The following SPTLC3 variants were observed in gnomAD, a reference collection of about 807,000 sequenced individuals.
The protein encoded by SPTLC3 is serine palmitoyltransferase long chain base subunit 3.
SPTLC3 carries 36 observed loss-of-function variants against 59.3 expected under a neutral mutation model. That is an observed-to-expected ratio of 0.61 (90% CI 0.47 to 0.80). The LOEUF (loss-of-function observed/expected upper bound fraction) is 0.80, where lower values mean the gene tolerates loss of function less well. Among genes scored for constraint, SPTLC3 ranks in the 30% least tolerant of loss-of-function variants. The probability of loss-of-function intolerance (pLI) is 0.00; values close to 1 mark genes in which losing one functional copy is unlikely to be tolerated. For missense variants in SPTLC3, 625 were observed against 685.1 expected (o/e 0.91, Z 0.98); for synonymous variants, 257 against 240.8 (o/e 1.07, Z -0.62).
At chr20:13,116,817 A>T (rs948655569) in intron 7 of SPTLC3, among the ~76,000 whole-genome samples, 1 of 152,202 alleles carries the variant, frequency 6.6e-6, no homozygotes, top group Non-Finnish European at 1.5e-5. Context: ...AGCCCACCCA[A>T]TACCGACTGA....
chr20:13,074,293 A>C, intron 3 of SPTLC3, 56 bp from the exon 4 acceptor site: 1 of 1,586,144 alleles, frequency 6.3e-7, no homozygotes. Flanking sequence ...GGATTTTTTG[A>C]ATCGTGCATA....
chr20:13,147,004 C>T (rs1241068959), intron 9 of SPTLC3, among the ~76,000 whole-genome samples: 1 of 152,202 alleles, frequency 6.6e-6, no homozygotes, highest in Non-Finnish European at 1.5e-5. Flanking sequence ...AATGTCCATT[C>T]TCATCCTTGC....
At chr20:13,050,006 G>T (rs1490988160) in intron 2 of SPTLC3, 2 of 152,066 alleles carry the variant, frequency 1.3e-5, no homozygotes, top group Non-Finnish European at 2.9e-5. Context: ...ACCAACCTTG[G>T]TAATATGACA....
chr20:13,155,685 G>T (rs1398505506), intron 10 of SPTLC3, among the ~76,000 whole-genome samples: 1 of 151,742 alleles, frequency 6.6e-6, no homozygotes, highest in Non-Finnish European at 1.5e-5. Flanking sequence ...AACTAGCCGG[G>T]CGTGGTGGTG....
At chr20:13,098,385 A>T (rs1989494620) in intron 6 of SPTLC3, among the ~76,000 whole-genome samples, 1 of 152,166 alleles carries the variant, frequency 6.6e-6, no homozygotes, top group South Asian at 2.1e-4. Context: ...TGATTAAGCA[A>T]ATGGGATAAA....
Position 13,103,882 on chromosome 20 carries a change from G to C in SPTLC3, c.827-6230G>C, listed in dbSNP as rs79798975. The stretch of plus-strand genomic sequence containing the variant: ...GCTAAATGTCTGGGTTTTTTCTTCC[G>C]GAAGACACACTATGAACTATGCCCT... On this transcript the variant is annotated intron_variant, in intron 6 of 11. Transcript: ENST00000399002. 2.0e-5 allele frequency among the ~76,000 whole-genome samples: 3 copies of C among 152,286 alleles called. No individual in the cohort carries two copies. The East Asian group carries it at 5.8e-4, about 29-fold the overall frequency.
intron 1 of SPTLC3, among the ~76,000 whole-genome samples, chr20:13,024,904 C>A (rs1986069473): frequency 6.6e-6 from 1 of 152,140 alleles, no homozygotes; most frequent in African/African-American, 2.4e-5. Context: ...CACTCCATCC[C>A]CTGTCTTCTT....
intron 1 of SPTLC3, among the ~76,000 whole-genome samples, chr20:13,014,880 T>A (rs1022551018): frequency 5.3e-5 from 8 of 151,836 alleles, no homozygotes; most frequent in Non-Finnish European, 8.8e-5. Context: ...ACACATGGGC[T>A]GAGCACACTC....
chr20:13,030,059 CTG>C (rs746287146), intron 1 of SPTLC3, among the ~76,000 whole-genome samples: 1 of 152,174 alleles, frequency 6.6e-6, no homozygotes, highest in Non-Finnish European at 1.5e-5. Flanking sequence ...AAAAGAAAAA[CTG>C]TGGTTTGTAA....
At chr20:13,072,147 G>A (rs568302513) in intron 2 of SPTLC3, 109 bp from the exon 3 acceptor site, 46 of 1,227,934 alleles carry the variant, frequency 3.7e-5, no homozygotes, top group Admixed American at 7.0e-5. Context: ...AAATATATCT[G>A]TAGATGTGTT....
At chr20:13,126,526 G>A (rs1286823404) in intron 8 of SPTLC3, 65 bp from the exon 9 acceptor site, 37 of 1,584,640 alleles carry the variant, frequency 2.3e-5, no homozygotes, top group Non-Finnish European at 3.2e-5. Context: ...GGGACTAGAT[G>A]TAATTCCCAC....
chr20:13,018,935 T>G (rs1182581675), intron 1 of SPTLC3, among the ~76,000 whole-genome samples: 1 of 152,282 alleles, frequency 6.6e-6, no homozygotes, highest in East Asian at 1.9e-4. Context: ...GAGTTCAAAT[T>G]AACTATTTTG....
intron 6 of SPTLC3, among the ~76,000 whole-genome samples, chr20:13,101,887 G>A (rs1014240151): frequency 6.6e-6 from 1 of 152,132 alleles, no homozygotes; most frequent in Non-Finnish European, 1.5e-5. Flanking sequence ...CGAGACTGCA[G>A]GCAACCTCGG....
chr20:13,061,667 C>A (rs1287365325), intron 2 of SPTLC3, among the ~76,000 whole-genome samples: 1 of 152,088 alleles, frequency 6.6e-6, no homozygotes, highest in Non-Finnish European at 1.5e-5. Flanking sequence ...TTCCTTTGTA[C>A]CCAAAGTCAA....
chr20:13,129,857 C>T (rs1040930216), intron 9 of SPTLC3, among the ~76,000 whole-genome samples: 1 of 152,096 alleles, frequency 6.6e-6, no homozygotes, highest in East Asian at 1.9e-4. Flanking sequence ...TCTCTCTTAG[C>T]CTTATACCTA....
intron 1 of SPTLC3, among the ~76,000 whole-genome samples, chr20:13,022,891 A>G (rs868167267): frequency 6.6e-6 from 1 of 152,186 alleles, no homozygotes; most frequent in Non-Finnish European, 1.5e-5. Flanking sequence ...ACAGCAAAAA[A>G]CAAAATACTT....
intron 4 of SPTLC3, among the ~76,000 whole-genome samples, chr20:13,087,575 T>C (rs1989044331): frequency 6.6e-6 from 1 of 152,174 alleles, no homozygotes; most frequent in South Asian, 2.1e-4. Flanking sequence ...TCATTATTCA[T>C]CAAAAGGCCC....
intron 4 of SPTLC3, among the ~76,000 whole-genome samples, chr20:13,077,201 C>T (rs531658782): frequency 6.6e-6 from 1 of 151,790 alleles, no homozygotes; most frequent in South Asian, 2.1e-4. Context: ...TAACCTTGAT[C>T]TCCAAATCTG....
chr20:13,068,616 AC>A (rs944651934), intron 2 of SPTLC3, among the ~76,000 whole-genome samples: 10 of 152,144 alleles, frequency 6.6e-5, no homozygotes, highest in Non-Finnish European at 7.3e-5. Flanking sequence ...CAGTTCATTC[AC>A]CGATCAGATC....
Sources: allele counts gnomAD v4.1 joint callset (sites outside exome capture counted in the v4.1 genomes callset), GRCh38; gene constraint gnomAD v4.1.1; transcripts MANE v1.5; gene names NCBI Gene and HGNC (gene_info 2026-07-23, HGNC 2026-07-21).